The following MYCBP2 variants were observed in gnomAD, a reference collection of about 807,000 sequenced individuals.
MYCBP2 encodes the protein E3 ubiquitin-protein ligase MYCBP2.
Under a neutral mutation model 525.3 loss-of-function variants are expected in MYCBP2, and 120 were observed. That is an observed-to-expected ratio of 0.23 (90% confidence interval 0.20 to 0.27). The LOEUF is 0.27. Among genes scored for constraint, MYCBP2 ranks in the 10% least tolerant of loss-of-function variants. MYCBP2 has a pLI of 1.00. For missense variants in MYCBP2, 4,149 were observed against 5,657.1 expected (o/e 0.73, Z 8.55); for synonymous variants, 1,894 against 1,955.8 (o/e 0.97, Z 0.83).
intron 28 of MYCBP2, among the ~76,000 whole-genome samples, chr13:77,190,623 A>C (rs1248267702): frequency 6.6e-6 from 1 of 152,160 alleles, no homozygotes; most frequent in Non-Finnish European, 1.5e-5. Flanking sequence ...TCTACTTACA[A>C]CTAAGTAGTA....
chr13:77,126,068 AT>A (rs2051604040), intron 53 of MYCBP2, among the ~76,000 whole-genome samples: 1 of 152,224 alleles, frequency 6.6e-6, no homozygotes, highest in African/African-American at 2.4e-5. Context: ...TAATGAAAAA[AT>A]ATGTGCAAAT....
chr13:77,059,901 A>AC (rs1436894244), intron 76 of MYCBP2, among the ~76,000 whole-genome samples: 3 of 152,216 alleles, frequency 2.0e-5, no homozygotes, highest in Non-Finnish European at 4.4e-5. Context: ...TAGTCAAGTT[A>AC]CCAGACTGAG....
intron 61 of MYCBP2, among the ~76,000 whole-genome samples, chr13:77,087,935 C>A (rs1269502998): frequency 6.6e-6 from 1 of 151,930 alleles, no homozygotes; most frequent in Non-Finnish European, 1.5e-5. Flanking sequence ...TGTGTACCAC[C>A]ACACCCAGCT....
At chr13:77,324,890 C>A (rs1212848209) in intron 1 of MYCBP2, among the ~76,000 whole-genome samples, 1 of 152,174 alleles carries the variant, frequency 6.6e-6, no homozygotes, top group Admixed American at 6.5e-5. Flanking sequence ...TAAAGATGTT[C>A]CTGCGGTGCC....
intron 52 of MYCBP2, among the ~76,000 whole-genome samples, chr13:77,138,906 C>T (rs2054169112): frequency 6.6e-6 from 1 of 152,042 alleles, no homozygotes; most frequent in Admixed American, 6.6e-5. Context: ...AAAATGTAAC[C>T]ACTCTCATTT....
intron 65 of MYCBP2, among the ~76,000 whole-genome samples, chr13:77,079,327 A>G (rs1335741356): frequency 6.6e-6 from 1 of 152,216 alleles, no homozygotes; most frequent in Admixed American, 6.5e-5. Flanking sequence ...GATTTGAAGT[A>G]GGATATATGA....
chr13:77,257,743 C>A lies in MYCBP2; in HGVS notation c.2104G>T (p.Val702Leu). ...HTCVLMKNGE[V>L]WTFGVNNKGQ... ...TTATTATTTACACCAAATGTCCACA[C>A]CTCTCCATTCTTCATTAAAACACAA... is the stretch of plus-strand genomic sequence containing the variant. Residue 702 changes from valine (V) to leucine (L), a missense_variant, in exon 14 of 83, where the codon GTG (valine) becomes TTG (leucine). By Grantham distance (32) the Val-to-Leu change is conservative. Coordinates refer to ENST00000544440, the MANE Select transcript of MYCBP2 (RefSeq NM_015057.5). 1.2e-6 allele frequency: 2 copies of A among 1,613,580 alleles called. No individual in the cohort carries two copies. The highest frequency in any genetic ancestry group is 1.7e-6 in the Non-Finnish European group (2 of 1,179,774).
chr13:77,319,682 A>G (rs2081363596), intron 1 of MYCBP2, among the ~76,000 whole-genome samples: 1 of 152,208 alleles, frequency 6.6e-6, no homozygotes, highest in Non-Finnish European at 1.5e-5. Context: ...TCACCAGTGC[A>G]TTCCCTTCAA....
In MYCBP2 at chr13:77,273,524, G is replaced by C; in HGVS notation, c.893C>G (p.Ala298Gly). ...SWGETGRTLQ[A>G]ISAILTNNGS... ...ATTGTTGGTGAGGATAGCAGAGATG[G>C]CCTGAAGTGTCCTTCCTGTTTCTCC... Residue 298 changes from alanine (A) to glycine (G), a missense_variant, in exon 5 of 83, where the codon GCC becomes GGC. Ala to Gly is a moderately conservative substitution (Grantham distance 60, BLOSUM62 0). This residue lies in a region of MYCBP2 where 413 missense variants were observed against 451.2 expected (regional missense o/e 0.92). Coordinates refer to ENST00000544440, the MANE Select transcript of MYCBP2 (RefSeq NM_015057.5). 2 of 1,612,044 alleles carry C rather than the reference G, an allele frequency of 1.2e-6. No homozygotes were observed. Among genetic ancestry groups the C allele is most frequent in the Non-Finnish European group, 8.5e-7 (1 of 1,179,384 alleles).
chr13:77,301,249 T>C (rs530965396), intron 1 of MYCBP2, among the ~76,000 whole-genome samples: 1 of 151,712 alleles, frequency 6.6e-6, no homozygotes, highest in Admixed American at 6.6e-5. Context: ...ACCCCGTCTC[T>C]ACTAAAAATG....
chr13:77,122,191 G>A (rs2050832085), intron 54 of MYCBP2, among the ~76,000 whole-genome samples: 1 of 151,796 alleles, frequency 6.6e-6, no homozygotes, highest in African/African-American at 2.4e-5. Context: ...ACAATCAACT[G>A]GCTCCAAGAC....
At chr13:77,077,464 C>T (rs2042509673) in intron 66 of MYCBP2, 77 bp from the exon 67 acceptor site, 5 of 1,530,892 alleles carry the variant, frequency 3.3e-6, no homozygotes, top group Admixed American at 1.8e-5. Context: ...AGCATTGATA[C>T]CAGCAAGCTC....
chr13:77,189,039 G>T lies in MYCBP2; in HGVS notation c.4163C>A (p.Thr1388Asn). 6.2e-7 allele frequency: 1 copy of T among 1,607,952 alleles called. No individual in the cohort carries two copies. The highest frequency in any genetic ancestry group is 8.5e-7 in the Non-Finnish European group (1 of 1,177,346). The change falls in exon 30 of 83, where the codon ACC (threonine) becomes AAC (asparagine). Residue 1388 changes from threonine to asparagine, a missense_variant. Transcript: ENST00000544440. ...GCCTTTTGAAGCACTGCCATCACTG[G>T]TTGGAAGTCTAAAGGCAGTAGACAC... ...QIPQLLYRLP[T>N]SDGSASKGKQ...
chr13:77,308,758 C>T (rs921485083), intron 1 of MYCBP2, among the ~76,000 whole-genome samples: 1 of 152,164 alleles, frequency 6.6e-6, no homozygotes, highest in African/African-American at 2.4e-5. Flanking sequence ...CAAGAAAGGA[C>T]ATATTATGAA....
At chr13:77,082,040 G>C (rs746449254) in intron 63 of MYCBP2, 47 bp from the exon 64 acceptor site, 191 of 1,562,314 alleles carry the variant, frequency 1.2e-4, no homozygotes, top group Non-Finnish European at 1.6e-4. Flanking sequence ...TATTTTCCAG[G>C]AACATCTAAG....
intron 74 of MYCBP2, 47 bp from the exon 75 acceptor site, chr13:77,061,837 A>C: frequency 6.6e-7 from 1 of 1,511,578 alleles, no homozygotes; most frequent in Non-Finnish European, 8.9e-7. Context: ...AGCAAGTCTC[A>C]GACTCTCATA....
chr13:77,058,449 G>T lies in MYCBP2; in HGVS notation c.13141-43C>A. Reference sequence around the variant, plus strand: ...CAATGTTACACAAGTATGTAAAAAAGCACACATTCTGGTAATTTTCCTTAT... The same window carrying T: ...CAATGTTACACAAGTATGTAAAAAATCACACATTCTGGTAATTTTCCTTAT... On this transcript the variant is annotated intron_variant, in intron 77 of 82. Coordinates refer to ENST00000544440, the MANE Select transcript of MYCBP2 (RefSeq NM_015057.5). This position sits in a 1 kb window ranked among gnomAD's most constrained non-coding sequence, Gnocchi z 4.1. The T allele has an allele frequency of 6.8e-7, 1 of 1,460,548 alleles. No individual in the cohort carries two copies. 90.5% of individuals were successfully genotyped at this position (1,460,548 alleles called of 1,614,324 possible).
At position 77,185,962 on chromosome 13, in the gene MYCBP2, A is replaced by G. The variant is rs113903211; in HGVS notation, c.4353T>C (p.Ala1451=). Residue 1451 remains alanine (A), a synonymous_variant, in exon 31 of 83, where the codon GCT becomes GCC. Coordinates refer to ENST00000544440, the MANE Select transcript of MYCBP2 (RefSeq NM_015057.5). ...LRGLKGFQFT[A]TLLDLERLRF... ...GCAGTCTCTCTAAATCTAGGAGTGT[A>G]GCTGTGAACTGGAATCCTTTTAATC... 6.2e-7 allele frequency: 1 copy of G among 1,613,918 alleles called. No homozygotes were observed. Among genetic ancestry groups the G allele is most frequent in the Non-Finnish European group, 8.5e-7 (1 of 1,179,846 alleles).
At chr13:77,244,467 G>T (rs1238805574) in intron 15 of MYCBP2, among the ~76,000 whole-genome samples, 1 of 152,156 alleles carries the variant, frequency 6.6e-6, no homozygotes, top group Non-Finnish European at 1.5e-5. Flanking sequence ...GACATATGCA[G>T]AAAACTGAAA....
Sources: allele counts gnomAD v4.1 joint callset (sites outside exome capture counted in the v4.1 genomes callset), GRCh38; gene constraint gnomAD v4.1.1; regional missense constraint gnomAD v4.1.1; non-coding constraint Gnocchi (gnomAD v3.1); transcripts MANE v1.5; gene names NCBI Gene and HGNC (gene_info 2026-07-23, HGNC 2026-07-21).